The following C1QTNF5 variants were observed in gnomAD, a reference collection of about 807,000 sequenced individuals.
The protein encoded by C1QTNF5 is complement C1q tumor necrosis factor-related protein 5.
In C1QTNF5, 5 loss-of-function variants were observed where a neutral mutation model predicts 10.9. That is an observed-to-expected ratio of 0.46 (90% CI 0.24 to 0.97). The LOEUF is 0.97. C1QTNF5 is among the 50% of genes least tolerant of loss of function. C1QTNF5 has a pLI of 0.19. For synonymous variants in C1QTNF5, 161 were observed against 156.5 expected (o/e 1.03, Z -0.22); for missense variants, 281 against 339.4 (o/e 0.83, Z 1.35).
rs1431649190 is a variant in C1QTNF5 at position 119,340,188 on chromosome 11, C to T, written c.210G>A (p.Arg70=). Residue 70 remains arginine (R), a synonymous_variant, in exon 2 of 3, where the codon AGG becomes AGA. Coordinates refer to ENST00000528368, the MANE Select transcript of C1QTNF5 (RefSeq NM_001278431.2). ...GAPGEKGEGG[R]PGLPGPRGDP... is the part of the protein sequence containing the mutation. ...GCCGCGGCGGTGCCTTCTTACCCGG[C>T]CTCCCGCCCTCGCCTTTCTCTCCCG... 1 of 1,514,900 alleles carries T rather than the reference C, an allele frequency of 6.6e-7. No homozygotes were observed. The highest frequency in any genetic ancestry group is 2.7e-5 in the East Asian group (1 of 36,778). The allele number at this position is 1,514,900 out of a possible 1,614,324, so 93.8% of individuals were successfully genotyped here. A position where few individuals can be genotyped will look rare whatever the true frequency, so the allele number is the denominator to read the frequency against.
upstream of C1QTNF5, chr11:119,343,020 G>T: frequency 6.3e-7 from 1 of 1,589,154 alleles, no homozygotes; most frequent in Non-Finnish European, 8.5e-7. Flanking sequence ...AAAGCAGACA[G>T]CTGTTCTGGG....
chr11:119,346,157 G>C, the C1QTNF5 span: 2,765 of 1,588,870 alleles, frequency 1.7e-3, 48 homozygotes, highest in African/African-American at 0.033. Flanking sequence ...CGAGGACGCC[G>C]ACCTGCGGGT....
chr11:119,341,859 T>C, upstream of C1QTNF5: 1 of 1,613,910 alleles, frequency 6.2e-7, no homozygotes, highest in Non-Finnish European at 8.5e-7. Context: ...CAGAAGACCT[T>C]GTAACCGCTG....
chr11:119,341,603 A>G (rs1344347917), upstream of C1QTNF5: 1 of 1,612,820 alleles, frequency 6.2e-7, no homozygotes, highest in Non-Finnish European at 8.5e-7. Flanking sequence ...GTTGCAGTTG[A>G]AGGGCCAGGG....
Position 119,339,966 on chromosome 11 carries a change from C to T in C1QTNF5, c.215-118G>A. On this transcript the variant is annotated intron_variant, in intron 2 of 2. Coordinates refer to ENST00000528368, the MANE Select transcript of C1QTNF5 (RefSeq NM_001278431.2). The surrounding 1 kb of genome is among the most constrained non-coding windows in gnomAD (Gnocchi z 5.4). The stretch of plus-strand genomic sequence containing the variant: ...CTGCCTGAGCTTCGGCCAGCGCCTC[C>T]TCCCGCACGGGTACCTCCTCCACCC... 7.4e-7 allele frequency: 1 copy of T among 1,351,852 alleles called. No homozygotes were observed. Among genetic ancestry groups the T allele is most frequent in the Non-Finnish European group, 9.7e-7 (1 of 1,036,136 alleles). 83.7% of individuals were successfully genotyped at this position (1,351,852 alleles called of 1,614,324 possible). A position where few individuals can be genotyped will look rare whatever the true frequency, so the allele number is the denominator to read the frequency against.
chr11:119,346,403 G>A, the C1QTNF5 span: 1 of 1,611,394 alleles, frequency 6.2e-7, no homozygotes, highest in Non-Finnish European at 8.5e-7. Context: ...TGAGGGCTGA[G>A]GGCAGCAGTG....
At position 119,339,722 on chromosome 11, in the gene C1QTNF5, C is replaced by T. The variant is rs148291350; in HGVS notation, c.341G>A (p.Arg114Gln). 3.7e-4 allele frequency: 591 copies of T among 1,601,464 alleles called. 1 individual carries two copies. In the African/African-American group the frequency reaches 6.8e-3, roughly 18 times the overall value. ...GGGTGCGTCAGACGGCGGAGGCACC[C>T]GGCTCTCGGAGCGCTTGGCGCTGAA... ...SAFSAKRSESRVPPPSDAPLP... is the reference protein window; with the variant it reads ...SAFSAKRSESQVPPPSDAPLP... Residue 114 changes from arginine to glutamine, a missense_variant, in exon 3 of 3, where the codon CGG becomes CAG. Arg to Gln is a conservative substitution (Grantham distance 43). Transcript: ENST00000528368. This position sits in a 1 kb window ranked among gnomAD's most constrained non-coding sequence, Gnocchi z 5.4.
At chr11:119,343,998 C>T (rs1163344149), upstream of C1QTNF5, 4 of 1,608,920 alleles carry the variant, frequency 2.5e-6, no homozygotes, top group African/African-American at 5.4e-5. Flanking sequence ...AATTCATGGC[C>T]CCTTCTCCTG....
chr11:119,339,306 G>T lies in C1QTNF5; in HGVS notation c.*25C>A. 1.2e-6 allele frequency: 2 copies of T among 1,608,310 alleles called. No individual in the cohort carries two copies. On this transcript the variant is annotated 3_prime_UTR_variant, in exon 3 of 3. Transcript: ENST00000528368. This position sits in a 1 kb window ranked among gnomAD's most constrained non-coding sequence, Gnocchi z 5.4. ...TCACACCCTCCTTCTAGGAGTGAGA[G>T]CATGAGCTCACTTTGCAGTGGGCAC...
In C1QTNF5 at chr11:119,339,755, C is replaced by T; in HGVS notation, c.308G>A (p.Arg103Gln). Residue 103 changes from arginine to glutamine, a missense_variant, in exon 3 of 3, where the codon CGA becomes CAA. Arg to Gln is a conservative substitution (Grantham distance 43). Transcript: ENST00000528368. The surrounding 1 kb of genome is among the most constrained non-coding windows in gnomAD (Gnocchi z 5.4). The stretch of plus-strand genomic sequence containing the variant: ...GGAGCGCTTGGCGCTGAAGGCGGAT[C>T]GCGGAGGCACCGAGCACTCCCCGGC... Reference protein sequence around the residue: ...GPAGECSVPPRSAFSAKRSES... With the variant: ...GPAGECSVPPQSAFSAKRSES... 6.3e-7 allele frequency: 1 copy of T among 1,590,376 alleles called. No homozygotes were observed.
At chr11:119,344,995 T>A, upstream of C1QTNF5, 1 of 1,605,220 alleles carries the variant, frequency 6.2e-7, no homozygotes, top group Non-Finnish European at 8.5e-7. Context: ...GAGGCACCCT[T>A]CCACAAACCC....
At chr11:119,340,042 G>A in intron 2 of C1QTNF5, 142 bp downstream of exon 2, 1 of 1,254,708 alleles carries the variant, frequency 8.0e-7, no homozygotes, top group African/African-American at 1.6e-5. Flanking sequence ...CCCGCCGCCT[G>A]GGCCCCTCCC....
At chr11:119,341,522 G>A (rs1166065678), upstream of C1QTNF5, 9 of 1,592,178 alleles carry the variant, frequency 5.7e-6, no homozygotes, top group South Asian at 8.8e-5. Context: ...GGACGGGCAG[G>A]AAGAGGGCAG....
chr11:119,339,088 C>T lies in C1QTNF5; in HGVS notation c.*243G>A. 1 of 506,622 alleles carries T rather than the reference C, an allele frequency of 2.0e-6. No homozygotes were observed. Among genetic ancestry groups the T allele is most frequent in the Non-Finnish European group, 3.5e-6 (1 of 287,536 alleles). The allele number at this position is 506,622 out of a possible 1,614,324, so 31.4% of individuals were successfully genotyped here. A position where few individuals can be genotyped will look rare whatever the true frequency, so the allele number is the denominator to read the frequency against. The stretch of plus-strand genomic sequence containing the variant: ...GACCAGAGCAACTGGGGGACTTACA[C>T]TTGCCAGCACAGCACACTCCTCTGG... On this transcript the variant is annotated 3_prime_UTR_variant, in exon 3 of 3. Transcript: ENST00000528368. The surrounding 1 kb of genome is among the most constrained non-coding windows in gnomAD (Gnocchi z 5.4).
upstream of C1QTNF5, chr11:119,345,852 G>A: frequency 1.2e-6 from 2 of 1,613,854 alleles, no homozygotes; most frequent in Non-Finnish European, 1.7e-6. Flanking sequence ...TGATGGTGGG[G>A]GTGGTGGTGG....
chr11:119,341,723 C>G, upstream of C1QTNF5: 2 of 1,613,292 alleles, frequency 1.2e-6, no homozygotes, highest in Non-Finnish European at 1.7e-6. Context: ...CACAAGCAGC[C>G]CACACAGGAG....
At chr11:119,343,790 C>T (rs1220897902), upstream of C1QTNF5, 3 of 1,613,454 alleles carry the variant, frequency 1.9e-6, no homozygotes, top group African/African-American at 1.3e-5. Flanking sequence ...ATGGAGTTAT[C>T]CATGGCTCTT....
At chr11:119,346,351 G>A in the C1QTNF5 span, 19 of 1,614,056 alleles carry the variant, frequency 1.2e-5, no homozygotes, top group Admixed American at 1.8e-4. Flanking sequence ...ACTCAGGCTC[G>A]AAGGCAGGAT....
intron 1 of C1QTNF5, 88 bp from the exon 2 acceptor site, chr11:119,340,528 C>A: frequency 9.2e-6 from 9 of 980,820 alleles, no homozygotes; most frequent in Non-Finnish European, 1.1e-5. Context: ...CGGTCCCCAC[C>A]CCACTGCCGT....
Sources: allele counts gnomAD v4.1 joint callset, GRCh38; gene constraint gnomAD v4.1.1; non-coding constraint Gnocchi (gnomAD v3.1); transcripts MANE v1.5; gene names NCBI Gene and HGNC (gene_info 2026-07-23, HGNC 2026-07-21).